Variants in OSBPL1A observed in about 807,000 individuals in gnomAD.
OSBPL1A encodes the protein oxysterol binding protein like 1A.
Under a neutral mutation model 137.1 loss-of-function variants are expected in OSBPL1A, and 80 were observed. That is an observed-to-expected ratio of 0.58 (90% CI 0.49 to 0.70). The LOEUF is 0.70. OSBPL1A is among the 30% of genes least tolerant of loss of function. The pLI, the probability that OSBPL1A is intolerant of heterozygous loss-of-function variation, is 0.00. For missense variants in OSBPL1A, 970 were observed against 1,129.4 expected, an observed-to-expected ratio of 0.86 and a Z score of 2.02; for synonymous variants, 365 against 389.7, an observed-to-expected ratio of 0.94 and a Z score of 0.75.
At chr18:24,318,390 GTATA>G in intron 9 of OSBPL1A, among the ~76,000 whole-genome samples, 1 of 151,972 alleles carries the variant, frequency 6.6e-6, no homozygotes, top group Non-Finnish European at 1.5e-5. Context: ...GTTGCAGTGA[GTATA>G]CCACTGCACT....
In OSBPL1A at chr18:24,280,952, TA is replaced by T; in HGVS notation, c.1175-5del. ...TGAAGAAATGATGGAAGCATTTCTA[TA>T]AAGAAAAAAATAAATACAGTGAGTC... is the stretch of plus-strand genomic sequence containing the variant. On this transcript the variant is annotated splice_region_variant and splice_polypyrimidine_tract_variant and intron_variant, in intron 14 of 27. Transcript: ENST00000319481. 3 of 1,573,284 alleles carry T rather than the reference TA, an allele frequency of 1.9e-6. No individual in the cohort carries two copies. The highest frequency in any genetic ancestry group is 2.6e-6 in the Non-Finnish European group (3 of 1,159,882).
At chr18:24,323,539 C>CTTTTTTT (rs763234169) in intron 7 of OSBPL1A, among the ~76,000 whole-genome samples, 10 of 35,134 alleles carry the variant, frequency 2.8e-4, no homozygotes, top group East Asian at 4.2e-4. Flanking sequence ...GAGGCTTTTT[C>CTTTTTTT]TTTTTTTTTT....
At chr18:24,164,150 A>C (rs1279289054) in intron 27 of OSBPL1A, among the ~76,000 whole-genome samples, 1 of 152,186 alleles carries the variant, frequency 6.6e-6, no homozygotes, top group Non-Finnish European at 1.5e-5. Flanking sequence ...TGATTTTTCT[A>C]ATACACCATG....
At position 24,325,074 on chromosome 18, in the gene OSBPL1A, A is replaced by G. The variant is rs538594483; in HGVS notation, c.626-6265T>C. Among the ~76,000 whole-genome samples the G allele has an allele frequency of 2.0e-5, 3 of 151,302 alleles. No individual in the cohort carries two copies. In the South Asian group the frequency reaches 6.3e-4, roughly 32 times the overall value. ...GCACTCCAGCCTGGGTGACAGAGCG[A>G]GACTCAGTATCGAAACAAAAAAAAG... On this transcript the variant is annotated intron_variant, in intron 7 of 27. Transcript: ENST00000319481.
chr18:24,166,801 T>C, intron 25 of OSBPL1A, 99 bp from the exon 26 acceptor site: 1 of 1,214,442 alleles, frequency 8.2e-7, no homozygotes, highest in South Asian at 1.5e-5. Flanking sequence ...AATGACCCCC[T>C]CCCTTTCATG....
At chr18:24,353,678 A>C (rs1279418431) in intron 4 of OSBPL1A, among the ~76,000 whole-genome samples, 3 of 151,428 alleles carry the variant, frequency 2.0e-5, no homozygotes, top group Non-Finnish European at 4.4e-5. Flanking sequence ...CAAATGTCCA[A>C]CAATGATAGA....
chr18:24,299,516 A>G (rs2090357318), intron 14 of OSBPL1A, among the ~76,000 whole-genome samples: 1 of 152,206 alleles, frequency 6.6e-6, no homozygotes, highest in Admixed American at 6.5e-5. Context: ...GGATACAAAA[A>G]AAAAGTTTTC....
chr18:24,263,633 T>C (rs532603275), intron 15 of OSBPL1A, among the ~76,000 whole-genome samples: 22 of 152,108 alleles, frequency 1.4e-4, no homozygotes, highest in Non-Finnish European at 2.5e-4. Flanking sequence ...TAAAAATATA[T>C]TCCCAACACT....
At chr18:24,284,716 A>G (rs529078778) in intron 14 of OSBPL1A, among the ~76,000 whole-genome samples, 1 of 152,328 alleles carries the variant, frequency 6.6e-6, no homozygotes, top group South Asian at 2.1e-4. Context: ...TCTCCTGGAA[A>G]TGTTTGTTTA....
intron 18 of OSBPL1A, among the ~76,000 whole-genome samples, chr18:24,183,250 T>C (rs1402195360): frequency 6.6e-6 from 1 of 152,106 alleles, no homozygotes; most frequent in Non-Finnish European, 1.5e-5. Flanking sequence ...ATAACTGTCT[T>C]AGTATAAAAT....
intron 15 of OSBPL1A, among the ~76,000 whole-genome samples, chr18:24,248,369 A>G (rs1407525331): frequency 1.3e-5 from 2 of 152,220 alleles, no homozygotes; most frequent in Non-Finnish European, 2.9e-5. Flanking sequence ...TAACTTGATC[A>G]GCCCAACACA....
At chr18:24,230,272 G>C (rs931451042) in intron 16 of OSBPL1A, among the ~76,000 whole-genome samples, 1 of 152,134 alleles carries the variant, frequency 6.6e-6, no homozygotes, top group African/African-American at 2.4e-5. Flanking sequence ...ATGGGGAGTT[G>C]GTAGTTAATG....
rs746299415 is a variant in OSBPL1A at position 24,341,598 on chromosome 18, G to C, written c.343C>G (p.Gln115Glu). The C allele has an allele frequency of 2.5e-6, 4 of 1,613,140 alleles. No individual in the cohort carries two copies. The African/African-American group carries it at 5.3e-5, about 22-fold the overall frequency. ...ADTTIVNGSGQTAKEVTHAEE... is the reference protein window; with the variant it reads ...ADTTIVNGSGETAKEVTHAEE... Reference sequence around the variant, plus strand: ...GCATGAGTAACTTCTTTTGCTGTCTGTCCACTCCCATTAACAATAGTAGTA... The same window carrying C: ...GCATGAGTAACTTCTTTTGCTGTCTCTCCACTCCCATTAACAATAGTAGTA... Residue 115 changes from glutamine (Q) to glutamate (E), a missense_variant, in exon 5 of 28, where the codon CAG (glutamine) becomes GAG (glutamate). Physicochemically the swap from Gln to Glu is conservative, Grantham distance 29. Coordinates refer to ENST00000319481, the MANE Select transcript of OSBPL1A (RefSeq NM_080597.4).
At chr18:24,247,324 TG>T (rs1292691363) in intron 15 of OSBPL1A, among the ~76,000 whole-genome samples, 5 of 152,224 alleles carry the variant, frequency 3.3e-5, no homozygotes, top group African/African-American at 1.2e-4. Flanking sequence ...ACCACTGTAC[TG>T]GCGATGTGAA....
At chr18:24,209,832 T>C (rs1469417134) in intron 17 of OSBPL1A, among the ~76,000 whole-genome samples, 3 of 152,168 alleles carry the variant, frequency 2.0e-5, no homozygotes, top group Non-Finnish European at 4.4e-5. Flanking sequence ...TAATCCATAG[T>C]GGCAGAAATC....
intron 24 of OSBPL1A, among the ~76,000 whole-genome samples, 198 bp downstream of exon 24, chr18:24,170,129 G>A (rs2086239774): frequency 1.5e-5 from 2 of 129,516 alleles, no homozygotes; most frequent in African/African-American, 4.9e-5. Context: ...AAACTGATAG[G>A]TGTCCACATC....
intron 5 of OSBPL1A, among the ~76,000 whole-genome samples, chr18:24,335,275 A>G (rs2091156173): frequency 6.6e-6 from 1 of 152,196 alleles, no homozygotes; most frequent in East Asian, 1.9e-4. Flanking sequence ...TTAAATCCTC[A>G]TTAACTACTC....
At chr18:24,375,657 C>T (rs568808273) in intron 2 of OSBPL1A, among the ~76,000 whole-genome samples, 1 of 152,170 alleles carries the variant, frequency 6.6e-6, no homozygotes, top group Admixed American at 6.5e-5. Context: ...TCCCATGACA[C>T]CTGCACTTCC....
intron 14 of OSBPL1A, among the ~76,000 whole-genome samples, chr18:24,284,700 G>T (rs2090035727): frequency 6.6e-6 from 1 of 152,022 alleles, no homozygotes; most frequent in African/African-American, 2.4e-5. Context: ...GTTTCAGCCA[G>T]ATTGTTCTCC....
Sources: gnomAD v4.1 joint callset for allele counts (sites outside exome capture counted in the v4.1 genomes callset) on GRCh38, gnomAD v4.1.1 for gene constraint, MANE v1.5 for transcripts, NCBI Gene and HGNC (gene_info 2026-07-23, HGNC 2026-07-21) for gene names.